FARP1: variants seen among roughly 807,000 people sequenced by gnomAD.
FARP1 encodes FERM, ARHGEF and pleckstrin domain-containing protein 1.
In FARP1, 52 loss-of-function variants were observed where a neutral mutation model predicts 128.8. That is an observed-to-expected ratio of 0.40 (90% CI 0.32 to 0.51). The LOEUF (loss-of-function observed/expected upper bound fraction) is 0.51. Ranked by LOEUF, FARP1 falls within the 20% of genes least tolerant of loss-of-function variation. The pLI is 0.45. For missense variants in FARP1, 1,333 were observed against 1,367.9 expected (o/e 0.97, Z 0.40); for synonymous variants, 580 against 551.8 (o/e 1.05, Z -0.72).
rs1238989618 is a variant in FARP1, at chr13:98,453,296, T to A, written c.*4979T>A. 1.0e-5 allele frequency: 14 copies of A among 1,377,256 alleles called. No homozygotes were observed. The highest frequency in any genetic ancestry group is 2.4e-5 in the East Asian group (1 of 42,226). The allele number at this position is 1,377,256 out of a possible 1,614,324, so 85.3% of individuals were successfully genotyped here. ...CATATAGTAACCAAAATCTTAGTTT[T>A]CATAAGAAATTCCAAGTCATACAAA... On this transcript the variant is annotated 3_prime_UTR_variant, in exon 27 of 27. Coordinates refer to ENST00000319562, the MANE Select transcript of FARP1 (RefSeq NM_005766.4).
rs980363332 is a variant in FARP1, at chr13:98,448,623, T to TAC, written c.*314_*315dup. On this transcript the variant is annotated 3_prime_UTR_variant, in exon 27 of 27. Transcript: ENST00000319562. Reference sequence around the variant, plus strand: ...CCTCCACCCTGCCCCTGAAAAACAGTACACACACATCCGTTCAACACAAGA... The same window carrying TAC: ...CCTCCACCCTGCCCCTGAAAAACAGTACACACACACATCCGTTCAACACAAGA... The TAC allele has an allele frequency of 2.9e-6, 1 of 339,578 alleles. No individual in the cohort carries two copies. Among genetic ancestry groups the TAC allele is most frequent in the Admixed American group, 4.6e-5 (1 of 21,714 alleles). 21.0% of individuals were successfully genotyped at this position (339,578 alleles called of 1,614,324 possible). A position where few individuals can be genotyped will look rare whatever the true frequency, so the allele number is the denominator to read the frequency against.
Position 98,448,271 on chromosome 13 carries a change from C to G in FARP1, c.3092C>G (p.Ala1031Gly). Residue 1031 changes from alanine to glycine, a missense_variant, in exon 27 of 27, where the codon GCC becomes GGC. Transcript: ENST00000319562. ...GTGATCCGCAGTGCCACCAGCTCTGCCTCGCGACCCCACGTGTTGAGTCAC... is the reference window on the plus strand; with the variant it reads ...GTGATCCGCAGTGCCACCAGCTCTGGCTCGCGACCCCACGTGTTGAGTCAC... ...MEVIRSATSS[A>G]SRPHVLSHKE... 1 of 1,614,134 alleles carries G rather than the reference C, an allele frequency of 6.2e-7. No individual in the cohort carries two copies.
At chr13:98,320,078 C>A (rs1364455658) in intron 2 of FARP1, among the ~76,000 whole-genome samples, 4 of 152,180 alleles carry the variant, frequency 2.6e-5, no homozygotes, top group African/African-American at 9.7e-5. Context: ...GACACCCTGT[C>A]TGTTTTCCTC....
intron 1 of FARP1, chr13:98,204,274 T>C (rs1344698933): frequency 6.6e-6 from 1 of 152,242 alleles, no homozygotes; most frequent in East Asian, 1.9e-4. Flanking sequence ...AATATCTTAT[T>C]GTGTGTATAA....
At position 98,440,223 on chromosome 13, in the gene FARP1, C is replaced by T; in HGVS notation, c.2617C>T (p.Pro873Ser). ...SPAPEFLASS[P>S]PDNKSPDEAT... Reference sequence around the variant, plus strand: ...CGCCCCTGAGTTCCTGGCCAGCAGCCCCCCTGACAACAGTGAGTGTGGCCA... The same window carrying T: ...CGCCCCTGAGTTCCTGGCCAGCAGCTCCCCTGACAACAGTGAGTGTGGCCA... The change falls in exon 23 of 27, where the codon CCC becomes TCC. Residue 873 changes from proline (P) to serine (S), a missense_variant. Pro to Ser is a moderately conservative substitution (Grantham distance 74, BLOSUM62 -1). This residue lies in a region of FARP1 where 1,009 missense variants were observed against 969.8 expected (regional missense o/e 1.04). Coordinates refer to ENST00000319562, the MANE Select transcript of FARP1 (RefSeq NM_005766.4). The T allele has an allele frequency of 6.2e-7, 1 of 1,613,162 alleles. No homozygotes were observed. Among genetic ancestry groups the T allele is most frequent in the Non-Finnish European group, 8.5e-7 (1 of 1,179,204 alleles).
intron 2 of FARP1, among the ~76,000 whole-genome samples, chr13:98,227,224 G>T (rs1239163117): frequency 6.6e-6 from 1 of 152,126 alleles, no homozygotes; most frequent in Non-Finnish European, 1.5e-5. Context: ...TAGCAGGCGT[G>T]AGCCACCGCG....
intron 2 of FARP1, among the ~76,000 whole-genome samples, chr13:98,332,013 C>G (rs1402436783): frequency 1.3e-5 from 2 of 152,104 alleles, no homozygotes; most frequent in Non-Finnish European, 2.9e-5. Context: ...TTTACCAGTC[C>G]ATTTTGTAGA....
At position 98,438,809 on chromosome 13, in the gene FARP1, C is replaced by A. The variant is rs1351309515; in HGVS notation, c.2280C>A (p.Phe760Leu). ...CCGGTCTGTCTCCCCTGCAGGAGTTCATCCGTCTGGGCAGCCTCAGCAAGC... is the reference window on the plus strand; with the variant it reads ...CCGGTCTGTCTCCCCTGCAGGAGTTAATCCGTCTGGGCAGCCTCAGCAAGC... ...IDNLVVPGREFIRLGSLSKLS... is the reference protein window; with the variant it reads ...IDNLVVPGRELIRLGSLSKLS... The change falls in exon 20 of 27, where the codon TTC becomes TTA. Residue 760 changes from phenylalanine to leucine, a missense_variant. By Grantham distance (22) the Phe-to-Leu change is conservative. Coordinates refer to ENST00000319562, the MANE Select transcript of FARP1 (RefSeq NM_005766.4). The A allele has an allele frequency of 2.5e-6, 4 of 1,612,560 alleles. No homozygotes were observed. Among genetic ancestry groups the A allele is most frequent in the Middle Eastern group, 2.0e-4 (1 of 5,010 alleles).
intron 3 of FARP1, among the ~76,000 whole-genome samples, chr13:98,352,579 G>C (rs77109146): frequency 0.032 from 4,893 of 152,292 alleles, 153 homozygotes; most frequent in African/African-American, 0.077. Flanking sequence ...TGGGAGCTTT[G>C]AAAAGCTACT....
intron 2 of FARP1, among the ~76,000 whole-genome samples, chr13:98,277,150 C>CACA (rs1566824337): frequency 8.5e-4 from 10 of 11,700 alleles, no homozygotes; most frequent in South Asian, 3.2e-3. Flanking sequence ...ACACACACAC[C>CACA]CCATATGTAT....
chr13:98,154,135 C>A (rs750555227), intron 1 of FARP1, among the ~76,000 whole-genome samples: 1 of 152,144 alleles, frequency 6.6e-6, no homozygotes, highest in South Asian at 2.1e-4. Flanking sequence ...AGTTAGTATT[C>A]CATCATATGG....
At chr13:98,441,424 T>C (rs1892520227) in intron 24 of FARP1, among the ~76,000 whole-genome samples, 1 of 152,202 alleles carries the variant, frequency 6.6e-6, no homozygotes, top group African/African-American at 2.4e-5. Flanking sequence ...AAACCGTCTG[T>C]TTTTATGCTT....
chr13:98,149,886 C>T (rs557161017), intron 1 of FARP1, among the ~76,000 whole-genome samples: 1 of 150,810 alleles, frequency 6.6e-6, no homozygotes, highest in Non-Finnish European at 1.5e-5. Flanking sequence ...TACAGGCACC[C>T]GCCACCATGC....
At chr13:98,425,357 G>A (rs952426210) in intron 17 of FARP1, 4 of 144,070 alleles carry the variant, frequency 2.8e-5, no homozygotes, top group Non-Finnish European at 6.0e-5. Flanking sequence ...CAGTGTACGA[G>A]GCAAATATAG....
At chr13:98,193,075 C>T (rs12876597) in intron 1 of FARP1, among the ~76,000 whole-genome samples, 93,600 of 145,232 alleles carry the variant, frequency 0.64, 31,500 homozygotes, top group Non-Finnish European at 0.76. Context: ...TTTTTTTTTT[C>T]GAGATGGAGT....
rs1479931633 is a variant in FARP1, at chr13:98,452,114, G to A, written c.*3797G>A. 6.6e-6 allele frequency: 1 copy of A among 152,052 alleles called. No individual in the cohort carries two copies. Among genetic ancestry groups the A allele is most frequent in the Non-Finnish European group, 1.5e-5 (1 of 67,992 alleles). 9.4% of individuals were successfully genotyped at this position (152,052 alleles called of 1,614,324 possible). ...CACGCACGGCCACACATACACAGCAGGTGCCCTGTCCTCTGAAGAGTCACA... is the reference window on the plus strand; with the variant it reads ...CACGCACGGCCACACATACACAGCAAGTGCCCTGTCCTCTGAAGAGTCACA... On this transcript the variant is annotated 3_prime_UTR_variant, in exon 27 of 27. Coordinates refer to ENST00000319562, the MANE Select transcript of FARP1 (RefSeq NM_005766.4).
chr13:98,356,406 T>TA (rs1888643723), intron 3 of FARP1, among the ~76,000 whole-genome samples: 1 of 152,106 alleles, frequency 6.6e-6, no homozygotes, highest in African/African-American at 2.4e-5. Flanking sequence ...AAAGGTACAG[T>TA]AAAAAATACA....
intron 2 of FARP1, among the ~76,000 whole-genome samples, chr13:98,284,464 CA>C (rs1219097290): frequency 6.6e-6 from 1 of 152,160 alleles, no homozygotes; most frequent in African/African-American, 2.4e-5. Context: ...AGTGTTCCCC[CA>C]ACCCGAGAGC....
At chr13:98,362,594 C>T (rs1376901155) in intron 3 of FARP1, among the ~76,000 whole-genome samples, 1 of 152,186 alleles carries the variant, frequency 6.6e-6, no homozygotes, top group East Asian at 1.9e-4. Context: ...CATTTTAATT[C>T]TTTAGACTCT....
Sources: allele counts gnomAD v4.1 joint callset (sites outside exome capture counted in the v4.1 genomes callset), GRCh38; gene constraint gnomAD v4.1.1; regional missense constraint gnomAD v4.1.1; transcripts MANE v1.5; gene names NCBI Gene and HGNC (gene_info 2026-07-23, HGNC 2026-07-21).